PTRH1: variants seen among roughly 807,000 people sequenced by gnomAD.
PTRH1 encodes peptidyl-tRNA hydrolase.
In PTRH1, 13 loss-of-function variants were observed where a neutral mutation model predicts 15.7. That is an observed-to-expected ratio of 0.83 (90% CI 0.54 to 1.31). PTRH1 has a LOEUF of 1.31. PTRH1 is among the 40% of genes most tolerant of loss of function. The pLI, the probability that PTRH1 is intolerant of heterozygous loss-of-function variation, is 0.00. For missense variants in PTRH1, 319 were observed against 296.2 expected (o/e 1.08, Z -0.56); for synonymous variants, 139 against 136.7 (o/e 1.02, Z -0.12).
In PTRH1 at chr9:127,714,180, G is replaced by A. The variant is rs1452943641; in HGVS notation, c.565C>T (p.Pro189Ser). The change falls in exon 5 of 5, where the codon CCT becomes TCT. Residue 189 changes from proline to serine, a missense_variant. Coordinates refer to ENST00000543175, the MANE Select transcript of PTRH1 (RefSeq NM_001002913.3). ...CFSPAEQELL[P>S]LLLDRATDLI... ...TCGGTGGCTCGATCCAGCAACAGAGGCAGCAGCTCCTGCTCAGCAGGGGAG... is the reference window on the plus strand; with the variant it reads ...TCGGTGGCTCGATCCAGCAACAGAGACAGCAGCTCCTGCTCAGCAGGGGAG... 3 of 1,613,922 alleles carry A rather than the reference G, an allele frequency of 1.9e-6. No individual in the cohort carries two copies. The highest frequency in any genetic ancestry group is 1.7e-5 in the Admixed American group (1 of 60,014).
rs774657891 is a variant in PTRH1, at chr9:127,715,623, A to G, written c.17T>C (p.Phe6Ser). 2.5e-6 allele frequency: 4 copies of G among 1,612,502 alleles called. No homozygotes were observed. The highest frequency in any genetic ancestry group is 3.4e-6 in the Non-Finnish European group (4 of 1,179,896). ...ACTCAGCCGCTGTCCGGCGCCCAAA[A>G]AGCCGCCCGGCCTCATGCTGCCCCC... The part of the protein sequence containing the change: MRPGG[F>S]LGAGQRLSRA... The change falls in exon 1 of 5, where the codon TTT becomes TCT. Residue 6 changes from phenylalanine (F) to serine (S), a missense_variant. Coordinates refer to ENST00000543175, the MANE Select transcript of PTRH1 (RefSeq NM_001002913.3). This position sits in a 1 kb window ranked among gnomAD's most constrained non-coding sequence, Gnocchi z 5.8.
chr9:127,707,896 G>A (rs7849115), intron 1 of PTRH1, among the ~76,000 whole-genome samples: 7,957 of 152,290 alleles, frequency 0.052, 726 homozygotes, highest in African/African-American at 0.18. Context: ...TGCTGTGGGT[G>A]ACCACAGCTA....
At position 127,713,912 on chromosome 9, in the gene PTRH1, G is replaced by C. The variant is rs773019870; in HGVS notation, c.*188C>G. ...TCCCCTACGTCCCAAGTAGGACACA[G>C]AGAGAAGAACCTACTCCAGAAATGG... On this transcript the variant is annotated 3_prime_UTR_variant, in exon 5 of 5. Transcript: ENST00000543175. 17 of 1,613,118 alleles carry C rather than the reference G, an allele frequency of 1.1e-5. No homozygotes were observed. The East Asian group carries it at 3.8e-4, about 36-fold the overall frequency.
chr9:127,714,649 C>G lies in PTRH1; in HGVS notation c.370G>C (p.Asp124His). 1.9e-6 allele frequency: 3 copies of G among 1,613,942 alleles called. No individual in the cohort carries two copies. The highest frequency in any genetic ancestry group is 2.5e-6 in the Non-Finnish European group (3 of 1,179,932). ...EEVYLVHDELDKPLGRLALKL... is the reference protein window; with the variant it reads ...EEVYLVHDELHKPLGRLALKL... The stretch of plus-strand genomic sequence containing the variant: ...AGAGCCAGTCTCCCCAGGGGCTTGT[C>G]CAGCTCATCATGCACCAGGTAGACT... The change falls in exon 3 of 5, where the codon GAC becomes CAC. Residue 124 changes from aspartate to histidine, a missense_variant. Physicochemically the swap from Asp to His is moderately conservative, Grantham distance 81 (BLOSUM62 -1). Coordinates refer to ENST00000543175, the MANE Select transcript of PTRH1 (RefSeq NM_001002913.3).
chr9:127,715,194 C>A lies in PTRH1; in HGVS notation c.97G>T (p.Val33Leu). Reference sequence around the variant, plus strand: ...AGTCCGGGATTCCCCAGGCCAGCCACCTGCGGGCGGCACCAGGGAAACTGA... The same window carrying A: ...AGTCCGGGATTCCCCAGGCCAGCCAACTGCGGGCGGCACCAGGGAAACTGA... The part of the protein sequence containing the change: ...EPRPPGKRWM[V>L]AGLGNPGLPG... The change falls in exon 2 of 5, where the codon GTG becomes TTG. Residue 33 changes from valine (V) to leucine (L), a missense_variant and splice_region_variant. Val to Leu is a conservative substitution (Grantham distance 32). Transcript: ENST00000543175. This position sits in a 1 kb window ranked among gnomAD's most constrained non-coding sequence, Gnocchi z 5.8. 1.3e-6 allele frequency: 2 copies of A among 1,525,946 alleles called. No homozygotes were observed. Among genetic ancestry groups the A allele is most frequent in the African/African-American group, 1.4e-5 (1 of 72,820 alleles). 94.5% of individuals were successfully genotyped at this position (1,525,946 alleles called of 1,614,324 possible). A position where few individuals can be genotyped will look rare whatever the true frequency, so the allele number is the denominator to read the frequency against.
chr9:127,712,441 G>C, downstream of PTRH1: 4 of 1,526,994 alleles, frequency 2.6e-6, no homozygotes, highest in Non-Finnish European at 3.5e-6. Context: ...CTCAGGATCA[G>C]AGGCCCCTCT....
At position 127,705,720 on chromosome 9, in the gene PTRH1, A is replaced by G. The variant is rs1423359717; in HGVS notation, c.205+9715T>C. On this transcript the variant is annotated intron_variant, in intron 1 of 2. Coordinates refer to the PTRH1 transcript ENST00000335223. This position sits in a 1 kb window ranked among gnomAD's most constrained non-coding sequence, Gnocchi z 4.7. ...CAGCTGTTCAGGCGGGGGAGGGGGC[A>G]ATGTCCAGCAGGAGCAGGGCCATCG... Among the ~76,000 whole-genome samples the G allele has an allele frequency of 6.6e-6, 1 of 152,172 alleles. No homozygotes were observed. Among genetic ancestry groups the G allele is most frequent in the Admixed American group, 6.5e-5 (1 of 15,276 alleles).
intron 1 of PTRH1, among the ~76,000 whole-genome samples, chr9:127,703,688 G>C (rs1234822629): frequency 6.6e-6 from 1 of 152,168 alleles, no homozygotes; most frequent in African/African-American, 2.4e-5. Flanking sequence ...CTGGGGGAGG[G>C]ACCTACTTTT....
At chr9:127,710,504 G>C (rs553842816), downstream of PTRH1, 12 of 1,434,308 alleles carry the variant, frequency 8.4e-6, no homozygotes, top group African/African-American at 1.5e-4. Flanking sequence ...AGGGCGCACA[G>C]GAAGGGACAG....
intron 1 of PTRH1, chr9:127,707,006 G>A (rs1239926647): frequency 3.7e-6 from 6 of 1,611,930 alleles, no homozygotes; most frequent in Non-Finnish European, 4.2e-6. Flanking sequence ...TCTTCCTGGG[G>A]CCTGGAGCCC....
rs1248872058 is a variant in PTRH1 at position 127,714,069 on chromosome 9, A to C, written c.*31T>G. 25 of 1,605,728 alleles carry C rather than the reference A, an allele frequency of 1.6e-5. No homozygotes were observed. Among genetic ancestry groups the C allele is most frequent in the East Asian group, 2.2e-5 (1 of 44,560 alleles). On this transcript the variant is annotated 3_prime_UTR_variant, in exon 5 of 5. Coordinates refer to ENST00000543175, the MANE Select transcript of PTRH1 (RefSeq NM_001002913.3). The stretch of plus-strand genomic sequence containing the variant: ...GGCAGTGGCTGGGTTGGTGGGCACT[A>C]CAGTCAGGCAGGCAGCCATGGCCAC...
downstream of PTRH1, chr9:127,712,141 G>A: frequency 6.3e-7 from 1 of 1,595,402 alleles, no homozygotes; most frequent in Non-Finnish European, 8.5e-7. Context: ...CCTGGCCCCA[G>A]GTGGCCCCAG....
downstream of PTRH1, chr9:127,709,309 G>A (rs1704178931): frequency 2.6e-6 from 3 of 1,140,380 alleles, no homozygotes; most frequent in Non-Finnish European, 3.7e-6. This position sits in a 1 kb window ranked among gnomAD's most constrained non-coding sequence, Gnocchi z 4.7. Context: ...TGATCACAAG[G>A]AAACTCAAAT....
At chr9:127,713,171 C>A, downstream of PTRH1, 2 of 1,578,374 alleles carry the variant, frequency 1.3e-6, no homozygotes, top group Non-Finnish European at 1.7e-6. Context: ...ATATATCACC[C>A]GTGTGGGGAC....
chr9:127,711,579 G>A, downstream of PTRH1: 1 of 1,524,440 alleles, frequency 6.6e-7, no homozygotes, highest in African/African-American at 1.4e-5. Context: ...TAGAGTCAGG[G>A]GCAGTCAAGT....
downstream of PTRH1, chr9:127,711,302 TGG>T: frequency 2.5e-6 from 4 of 1,614,138 alleles, no homozygotes; most frequent in Non-Finnish European, 3.4e-6. Context: ...GAACCGGATG[TGG>T]GAGACAACCA....
intron 1 of PTRH1, among the ~76,000 whole-genome samples, chr9:127,701,429 GGAATGAAT>G (rs34198029): frequency 1.5e-4 from 23 of 151,954 alleles, no homozygotes; most frequent in South Asian, 6.2e-4. Context: ...ATAAAGAAAG[GGAATGAAT>G]GAATGAATGA....
chr9:127,698,243 T>C (rs1426693028), intron 1 of PTRH1, among the ~76,000 whole-genome samples: 1 of 151,996 alleles, frequency 6.6e-6, no homozygotes, highest in Non-Finnish European at 1.5e-5. Context: ...TAAAAATAAA[T>C]GAAATCAAAA....
chr9:127,694,702 C>A (rs1258325427), intron 2 of PTRH1, among the ~76,000 whole-genome samples: 3 of 152,064 alleles, frequency 2.0e-5, no homozygotes, highest in South Asian at 2.1e-4. Context: ...GCAGCCTGGA[C>A]CAGGGCCTCT....
Sources: allele counts gnomAD v4.1 joint callset (sites outside exome capture counted in the v4.1 genomes callset), GRCh38; gene constraint gnomAD v4.1.1; non-coding constraint Gnocchi (gnomAD v3.1); transcripts MANE v1.5; gene names NCBI Gene and HGNC (gene_info 2026-07-23, HGNC 2026-07-21).